The following RAD17 variants were observed in gnomAD, a reference collection of about 807,000 sequenced individuals.
RAD17 encodes RAD17 checkpoint clamp loader component.
Under a neutral mutation model 81.5 loss-of-function variants are expected in RAD17, and 31 were observed. That is an observed-to-expected ratio of 0.38 (90% CI 0.29 to 0.51). RAD17 has a LOEUF of 0.51. Among genes scored for constraint, RAD17 ranks in the 20% least tolerant of loss-of-function variants. The pLI is 0.88. For missense variants in RAD17, 681 were observed against 781.2 expected (o/e 0.87, Z 1.53); for synonymous variants, 261 against 266.2 (o/e 0.98, Z 0.19).
intron 17 of RAD17, among the ~76,000 whole-genome samples, chr5:69,408,722 G>C (rs1328774339): frequency 1.3e-5 from 2 of 151,996 alleles, no homozygotes; most frequent in African/African-American, 4.8e-5. Context: ...TGTTAGCCAG[G>C]TTGGTCTTGA....
At chr5:69,397,355 T>G (rs1764957349) in intron 16 of RAD17, among the ~76,000 whole-genome samples, 1 of 151,814 alleles carries the variant, frequency 6.6e-6, no homozygotes, top group Non-Finnish European at 1.5e-5. Flanking sequence ...TTGGCCAGGC[T>G]GTTCTTGAAC....
In RAD17 at chr5:69,410,968, T is replaced by TCC. The variant is rs1299612855; in HGVS notation, c.1751+418_1751+419insCC. On this transcript the variant is annotated intron_variant, in intron 18 of 18. Coordinates refer to ENST00000354868, the MANE Select transcript of RAD17 (RefSeq NM_133338.3). ...CAAGCAAAAAATAGATGTCTGTCTA[T>TCC]ATATATATATATATATATATATATA... is the stretch of plus-strand genomic sequence containing the variant. 2.2e-3 allele frequency among the ~76,000 whole-genome samples: 306 copies of TCC among 137,944 alleles called. 9 individuals are homozygous for TCC. The highest frequency in any genetic ancestry group is 3.6e-3 in the Middle Eastern group (1 of 276). The allele number at this position is 137,944 out of a possible 152,430, so 90.5% of individuals were successfully genotyped here. A position where few individuals can be genotyped will look rare whatever the true frequency, so the allele number is the denominator to read the frequency against.
At chr5:69,397,534 CA>C (rs1368292248) in intron 16 of RAD17, among the ~76,000 whole-genome samples, 6 of 151,998 alleles carry the variant, frequency 3.9e-5, no homozygotes, top group Non-Finnish European at 8.8e-5. Flanking sequence ...AAGGCCAAAA[CA>C]AGAGGATCAC....
intron 6 of RAD17, among the ~76,000 whole-genome samples, chr5:69,379,627 C>G (rs901833053): frequency 5.3e-5 from 8 of 151,784 alleles, no homozygotes; most frequent in African/African-American, 1.7e-4. Context: ...TATCTTTATT[C>G]TATAAATTTT....
In RAD17 at chr5:69,393,908, G is replaced by GT. The variant is rs34500104; in HGVS notation, c.1422+431dup. Among the ~76,000 whole-genome samples, 286 of 73,082 alleles carry GT rather than the reference G, an allele frequency of 3.9e-3. 10 individuals carry two copies. Among genetic ancestry groups the GT allele is most frequent in the African/African-American group, 8.2e-3 (153 of 18,688 alleles). The allele number at this position is 73,082 out of a possible 152,430, so 47.9% of individuals were successfully genotyped here. ...TGATTTTGTGTTTTGTGTTATGGTG[G>GT]TTTTTTTTTTTTTTTTTTTTTTTGA... On this transcript the variant is annotated intron_variant, in intron 15 of 18. Transcript: ENST00000354868.
intron 18 of RAD17, among the ~76,000 whole-genome samples, chr5:69,411,905 A>G (rs1185962419): frequency 1.3e-5 from 2 of 152,092 alleles, no homozygotes; most frequent in Non-Finnish European, 2.9e-5. Context: ...AATCTTCACT[A>G]TTTTATTATT....
chr5:69,407,578 T>G (rs896607164), intron 17 of RAD17, among the ~76,000 whole-genome samples: 1 of 130,228 alleles, frequency 7.7e-6, no homozygotes, highest in African/African-American at 2.8e-5. Flanking sequence ...TTTTTTTTTT[T>G]TTTTTTTTTT....
chr5:69,393,792 A>G (rs946456513), intron 15 of RAD17, among the ~76,000 whole-genome samples: 6 of 151,794 alleles, frequency 4.0e-5, no homozygotes, highest in African/African-American at 7.3e-5. Flanking sequence ...GCTGGTCTCA[A>G]ACTCCTGGGC....
Position 69,385,901 on chromosome 5 carries a change from A to G in RAD17, c.646-142A>G, listed in dbSNP as rs562144861. The G allele has an allele frequency of 1.4e-5, 12 of 858,106 alleles. 1 individual carries two copies. The Admixed American group carries it at 1.6e-4, about 11-fold the overall frequency. The allele number at this position is 858,106 out of a possible 1,614,324, so 53.2% of individuals were successfully genotyped here. On this transcript the variant is annotated intron_variant, in intron 8 of 18. Transcript: ENST00000354868. ...GATGTATATTACTGTTTCGGATATC[A>G]TCTATTTCATGTTTCCTGTGAAAGT...
rs1185264881 is a variant in RAD17 at position 69,391,957 on chromosome 5, G to C, written c.1133G>C (p.Gly378Ala). 2 of 1,578,224 alleles carry C rather than the reference G, an allele frequency of 1.3e-6. No homozygotes were observed. The highest frequency in any genetic ancestry group is 1.7e-6 in the Non-Finnish European group (2 of 1,169,254). Residue 378 changes from glycine to alanine, a missense_variant, in exon 13 of 19, where the codon GGC (glycine) becomes GCC (alanine). Physicochemically the swap from Gly to Ala is moderately conservative, Grantham distance 60 (BLOSUM62 0). Transcript: ENST00000354868. ...AATCAAGAGGTCCAAGCTATTGGTG[G>C]CAAAGATGTTTCTCTGTTTCTCTTC... ...FENQEVQAIGGKDVSLFLFRA... is the reference protein window; with the variant it reads ...FENQEVQAIGAKDVSLFLFRA...
At chr5:69,387,880 C>A (rs1266099997) in intron 11 of RAD17, among the ~76,000 whole-genome samples, 3 of 151,746 alleles carry the variant, frequency 2.0e-5, no homozygotes, top group Non-Finnish European at 4.4e-5. Context: ...AAAAAAATTA[C>A]CTGGGCATGG....
intron 16 of RAD17, among the ~76,000 whole-genome samples, chr5:69,399,537 T>A (rs558570674): frequency 9.3e-4 from 141 of 152,314 alleles, no homozygotes; most frequent in Non-Finnish European, 1.4e-3. Context: ...CTTGGAGAAT[T>A]TAATGACTTT....
At position 69,377,562 on chromosome 5, in the gene RAD17, T is replaced by TACATATATATGCATATATATGTATAC. The variant is rs372413416; in HGVS notation, c.351+2852_351+2853insCATATATATGCATATATATGTATACA. ...ACGTATATATATGCATATATATGTA[T>TACATATATATGCATATATATGTATAC]ATATATATGCATATATATGTATACA... is the stretch of plus-strand genomic sequence containing the variant. On this transcript the variant is annotated intron_variant, in intron 6 of 18. Coordinates refer to ENST00000354868, the MANE Select transcript of RAD17 (RefSeq NM_133338.3). 5.5e-3 allele frequency among the ~76,000 whole-genome samples: 20 copies of TACATATATATGCATATATATGTATAC among 3,630 alleles called. 5 individuals carry two copies. The highest frequency in any genetic ancestry group is 0.037 in the East Asian group (3 of 80). 2.4% of individuals were successfully genotyped at this position (3,630 alleles called of 152,430 possible). A position where few individuals can be genotyped will look rare whatever the true frequency, so the allele number is the denominator to read the frequency against.
chr5:69,389,550 T>G (rs1290967913), intron 12 of RAD17, among the ~76,000 whole-genome samples: 2 of 149,554 alleles, frequency 1.3e-5, no homozygotes, highest in African/African-American at 2.5e-5. Context: ...ATAGAGTGCT[T>G]CTTACAGTAC....
Position 69,384,782 on chromosome 5 carries a change from T to C in RAD17, c.509-15T>C. On this transcript the variant is annotated splice_polypyrimidine_tract_variant and intron_variant, in intron 7 of 18. Coordinates refer to ENST00000354868, the MANE Select transcript of RAD17 (RefSeq NM_133338.3). The stretch of plus-strand genomic sequence containing the variant: ...CATTTGTTGAAAATAAAAGTGGTTA[T>C]GTGTTTCCTTTCAGAATCAAGCTTC... 2 of 1,594,648 alleles carry C rather than the reference T, an allele frequency of 1.3e-6. No individual in the cohort carries two copies. The highest frequency in any genetic ancestry group is 1.7e-6 in the Non-Finnish European group (2 of 1,170,210).
intron 4 of RAD17, 113 bp from the exon 5 acceptor site, chr5:69,373,706 TTTTTTTTTTTA>T: frequency 2.1e-5 from 12 of 561,732 alleles, no homozygotes; most frequent in South Asian, 6.9e-5. Context: ...TTTTTTTTTT[TTTTTTTTTTTA>T]AGTTTTAAAG....
intron 17 of RAD17, among the ~76,000 whole-genome samples, chr5:69,402,541 G>A (rs1765339153): frequency 6.6e-6 from 1 of 151,840 alleles, no homozygotes; most frequent in South Asian, 2.1e-4. Context: ...TGTAGTCCCA[G>A]CTACTCAGTG....
At chr5:69,393,723 C>T (rs973080622) in intron 15 of RAD17, among the ~76,000 whole-genome samples, 1 of 151,636 alleles carries the variant, frequency 6.6e-6, no homozygotes, top group African/African-American at 2.4e-5. Flanking sequence ...AAGTTATTTT[C>T]TTTTTTTCTT....
At position 69,405,404 on chromosome 5, in the gene RAD17, C is replaced by T. The variant is rs1765532521; in HGVS notation, c.1694-5089C>T. 2.0e-5 allele frequency among the ~76,000 whole-genome samples: 3 copies of T among 151,352 alleles called. No individual in the cohort carries two copies. In the South Asian group the frequency reaches 6.3e-4, roughly 32 times the overall value. On this transcript the variant is annotated intron_variant, in intron 17 of 18. Transcript: ENST00000354868. Reference sequence around the variant, plus strand: ...AAAATAGGCCAGGCGTGGTGGCTCACGCTTGTAATCCCAGCACTTTGGGAG... The same window carrying T: ...AAAATAGGCCAGGCGTGGTGGCTCATGCTTGTAATCCCAGCACTTTGGGAG...
Sources: allele counts gnomAD v4.1 joint callset (sites outside exome capture counted in the v4.1 genomes callset), GRCh38; gene constraint gnomAD v4.1.1; transcripts MANE v1.5; gene names NCBI Gene and HGNC (gene_info 2026-07-23, HGNC 2026-07-21).